Variants in GABRB2 observed in about 807,000 individuals in gnomAD.
GABRB2 encodes the protein gamma-aminobutyric acid receptor subunit beta-2.
GABRB2 carries 16 observed loss-of-function variants against 54.7 expected under a neutral mutation model. The ratio of observed to expected loss-of-function variants is 0.29; its 90% CI spans 0.20 to 0.44. The LOEUF is 0.44. Among genes scored for constraint, GABRB2 ranks in the 20% least tolerant of loss-of-function variants. The pLI is 1.00. For synonymous variants in GABRB2, 244 were observed against 233.8 expected (o/e 1.04, Z -0.40); for missense variants, 355 against 644.0 (o/e 0.55, Z 4.86).
At chr5:161,443,447 CTCTTCCTTG>C (rs555918517) in intron 4 of GABRB2, among the ~76,000 whole-genome samples, 38 of 152,300 alleles carry the variant, frequency 2.5e-4, no homozygotes, top group Non-Finnish European at 4.9e-4. Flanking sequence ...GGGATATAGC[CTCTTCCTTG>C]TCTAAGATGC....
At chr5:161,347,686 G>T (rs1754359223) in intron 5 of GABRB2, among the ~76,000 whole-genome samples, 1 of 152,088 alleles carries the variant, frequency 6.6e-6, no homozygotes, top group African/African-American at 2.4e-5. Flanking sequence ...TGTGAGCCCA[G>T]CTAAAATCAT....
At chr5:161,520,249 A>C (rs1015260201) in intron 3 of GABRB2, among the ~76,000 whole-genome samples, 3 of 152,146 alleles carry the variant, frequency 2.0e-5, no homozygotes, top group Non-Finnish European at 4.4e-5. Flanking sequence ...AGCTTATAAC[A>C]ACAGCTGGAT....
At chr5:161,432,029 C>G (rs1209517326) in intron 4 of GABRB2, among the ~76,000 whole-genome samples, 1 of 152,164 alleles carries the variant, frequency 6.6e-6, no homozygotes, top group Non-Finnish European at 1.5e-5. Context: ...ATGTATAGGA[C>G]AAATTACTGG....
chr5:161,399,083 T>C (rs958261298), intron 5 of GABRB2, among the ~76,000 whole-genome samples: 10 of 152,154 alleles, frequency 6.6e-5, no homozygotes, highest in African/African-American at 2.4e-4. Context: ...TAAGGAATTC[T>C]ACAAATATAG....
chr5:161,525,878 C>A (rs1760262999), intron 3 of GABRB2, among the ~76,000 whole-genome samples: 1 of 151,024 alleles, frequency 6.6e-6, no homozygotes, highest in Non-Finnish European at 1.5e-5. Context: ...AATTTCATAC[C>A]CAAATTTATA....
chr5:161,293,880 GA>G lies in GABRB2; in HGVS notation c.*200del, dbSNP rs1018285375. 110 of 555,432 alleles carry G rather than the reference GA, an allele frequency of 2.0e-4. 1 individual carries two copies. In the East Asian group the frequency reaches 3.2e-3, roughly 16 times the overall value. 34.4% of individuals were successfully genotyped at this position (555,432 alleles called of 1,614,324 possible). A position where few individuals can be genotyped will look rare whatever the true frequency, so the allele number is the denominator to read the frequency against. On this transcript the variant is annotated 3_prime_UTR_variant, in exon 10 of 10. Transcript: ENST00000393959. ...GTAAAAATCACTTGCGTTTTAACTGGAAAACCACAAGGACCTTAGTGTATTC... is the reference window on the plus strand; with the variant it reads ...GTAAAAATCACTTGCGTTTTAACTGGAAACCACAAGGACCTTAGTGTATTC...
chr5:161,434,581 A>T (rs779501708), intron 4 of GABRB2, among the ~76,000 whole-genome samples: 5 of 152,058 alleles, frequency 3.3e-5, no homozygotes, highest in Admixed American at 6.6e-5. Context: ...CTCTACCTGG[A>T]ATCCCCTTCC....
At chr5:161,509,514 A>C (rs1759702584) in intron 3 of GABRB2, among the ~76,000 whole-genome samples, 1 of 151,908 alleles carries the variant, frequency 6.6e-6, no homozygotes, top group Non-Finnish European at 1.5e-5. Context: ...AGAGTTATTC[A>C]CATTCCTCTT....
intron 7 of GABRB2, among the ~76,000 whole-genome samples, chr5:161,332,798 T>A (rs1352434208): frequency 6.6e-6 from 1 of 152,182 alleles, no homozygotes; most frequent in African/African-American, 2.4e-5. Context: ...GTAGTAATAA[T>A]GTCATAGTTT....
intron 7 of GABRB2, among the ~76,000 whole-genome samples, chr5:161,332,775 T>TA (rs1014438445): frequency 6.6e-6 from 1 of 152,218 alleles, no homozygotes; most frequent in Non-Finnish European, 1.5e-5. Context: ...TTTTCTGATT[T>TA]AATTTTATCT....
intron 4 of GABRB2, among the ~76,000 whole-genome samples, chr5:161,440,070 AAAAAAAAAAC>A (rs1462813121): frequency 6.6e-6 from 1 of 150,432 alleles, no homozygotes; most frequent in Non-Finnish European, 1.5e-5. Context: ...ACCAAAAAAA[AAAAAAAAAAC>A]AAAACACATA....
intron 5 of GABRB2, among the ~76,000 whole-genome samples, chr5:161,398,293 T>G (rs1431111656): frequency 6.6e-6 from 1 of 152,182 alleles, no homozygotes; most frequent in Non-Finnish European, 1.5e-5. Context: ...ATTTCCTGAC[T>G]GGCTGTCATA....
At chr5:161,313,325 A>G (rs1757930885) in intron 9 of GABRB2, among the ~76,000 whole-genome samples, 1 of 152,064 alleles carries the variant, frequency 6.6e-6, no homozygotes, top group African/African-American at 2.4e-5. Flanking sequence ...TCTATGGTAG[A>G]CACATACATT....
At chr5:161,327,829 T>C (rs947951569) in intron 8 of GABRB2, among the ~76,000 whole-genome samples, 1 of 151,136 alleles carries the variant, frequency 6.6e-6, no homozygotes, top group Non-Finnish European at 1.5e-5. Context: ...AATGCTTAGC[T>C]GATTATAAGT....
At chr5:161,372,752 A>T (rs1435446668) in intron 5 of GABRB2, among the ~76,000 whole-genome samples, 1 of 152,188 alleles carries the variant, frequency 6.6e-6, no homozygotes, top group African/African-American at 2.4e-5. Flanking sequence ...CATCAATTCC[A>T]GCTGGGTATT....
chr5:161,390,535 C>G (rs918310647), intron 5 of GABRB2, among the ~76,000 whole-genome samples: 1 of 151,996 alleles, frequency 6.6e-6, no homozygotes, highest in Non-Finnish European at 1.5e-5. Flanking sequence ...AAAGACTAGT[C>G]TAGTTAATAA....
chr5:161,489,751 C>G (rs181513281), intron 3 of GABRB2, among the ~76,000 whole-genome samples: 1 of 151,690 alleles, frequency 6.6e-6, no homozygotes, highest in Non-Finnish European at 1.5e-5. Flanking sequence ...AGAAAAAATG[C>G]TACCCAAAAA....
At chr5:161,442,530 C>A (rs1278055260) in intron 4 of GABRB2, among the ~76,000 whole-genome samples, 1 of 152,166 alleles carries the variant, frequency 6.6e-6, no homozygotes, top group African/African-American at 2.4e-5. Context: ...CATCAGGGAT[C>A]TCCTCTTGTC....
rs150461217 is a variant in GABRB2 at position 161,409,086 on chromosome 5, G to T, written c.541+1889C>A. ...TGAATAAGCCCCAATTTTCCATAAG[G>T]CCAGGCTATTTCTTGCTTTTTAGAC... On this transcript the variant is annotated intron_variant, in intron 5 of 9. Transcript: ENST00000393959. 3.2e-3 allele frequency among the ~76,000 whole-genome samples: 486 copies of T among 152,034 alleles called. 1 individual carries two copies. The highest frequency in any genetic ancestry group is 0.01 in the African/African-American group (433 of 41,508).
Sources: allele counts gnomAD v4.1 joint callset (sites outside exome capture counted in the v4.1 genomes callset), GRCh38; gene constraint gnomAD v4.1.1; transcripts MANE v1.5; gene names NCBI Gene and HGNC (gene_info 2026-07-23, HGNC 2026-07-21).